GNAL: variants seen among roughly 807,000 people sequenced by gnomAD.
The protein encoded by GNAL is G protein subunit alpha L.
Under a neutral mutation model 55.1 loss-of-function variants are expected in GNAL, and 18 were observed. That is an observed-to-expected ratio of 0.33 (90% CI 0.23 to 0.48). The LOEUF (loss-of-function observed/expected upper bound fraction) is 0.48. Ranked by LOEUF, GNAL falls within the 20% of genes least tolerant of loss-of-function variation. The probability of loss-of-function intolerance (pLI) is 0.99; values close to 1 mark genes in which losing one functional copy is unlikely to be tolerated. For missense variants in GNAL, 412 were observed against 614.1 expected (o/e 0.67, Z 3.48); for synonymous variants, 253 against 237.0 (o/e 1.07, Z -0.62).
rs549137719 is a variant in GNAL, at chr18:11,780,740, C to T, written c.624+26795C>T. 4.6e-5 allele frequency among the ~76,000 whole-genome samples: 7 copies of T among 152,260 alleles called. No homozygotes were observed. The East Asian group carries it at 1.4e-3, about 29-fold the overall frequency. ...TTACACTGAGGAATGAATTAGATCACAGGCATGAAAAAGCGCGGTAAGGTG... is the reference window on the plus strand; with the variant it reads ...TTACACTGAGGAATGAATTAGATCATAGGCATGAAAAAGCGCGGTAAGGTG... On this transcript the variant is annotated intron_variant, in intron 4 of 11. Transcript: ENST00000334049.
intron 5 of GNAL, among the ~76,000 whole-genome samples, chr18:11,847,678 G>C (rs1333823443): frequency 6.6e-6 from 1 of 151,944 alleles, no homozygotes; most frequent in East Asian, 1.9e-4. Context: ...GACTTGCAAG[G>C]TTTCAATGTT....
intron 1 of GNAL, among the ~76,000 whole-genome samples, chr18:11,750,293 A>G (rs571964364): frequency 6.6e-6 from 1 of 152,284 alleles, no homozygotes; most frequent in South Asian, 2.1e-4. Flanking sequence ...CATGAGCTCA[A>G]TCCTTGGCAA....
At chr18:11,761,223 T>C (rs2033232070) in intron 4 of GNAL, among the ~76,000 whole-genome samples, 1 of 152,164 alleles carries the variant, frequency 6.6e-6, no homozygotes. Flanking sequence ...AGCCAGCATT[T>C]ATAGGCAGTC....
Position 11,689,430 on chromosome 18 carries a change from C to T in GNAL, c.-134C>T. 1 of 389,392 alleles carries T rather than the reference C, an allele frequency of 2.6e-6. No individual in the cohort carries two copies. The highest frequency in any genetic ancestry group is 4.4e-6 in the Non-Finnish European group (1 of 227,192). 24.1% of individuals were successfully genotyped at this position (389,392 alleles called of 1,614,324 possible). On this transcript the variant is annotated 5_prime_UTR_variant, in exon 1 of 12. Transcript: ENST00000334049. The stretch of plus-strand genomic sequence containing the variant: ...TCCCGCAGCTGGCGGCCGGCAGCGC[C>T]GAACAGGGTCCGGGTGCAGCCCCCT...
chr18:11,851,057 A>G (rs895278891), intron 5 of GNAL, among the ~76,000 whole-genome samples: 3 of 152,224 alleles, frequency 2.0e-5, no homozygotes, highest in African/African-American at 7.2e-5. Flanking sequence ...CCCGCTAGCC[A>G]GTCACCCTTT....
At chr18:11,844,435 A>AAAATAAAT (rs1159867422) in intron 5 of GNAL, among the ~76,000 whole-genome samples, 31 of 152,282 alleles carry the variant, frequency 2.0e-4, no homozygotes, top group African/African-American at 5.3e-4. Flanking sequence ...ACTCTATCTC[A>AAAATAAAT]AAATAAATAA....
intron 1 of GNAL, among the ~76,000 whole-genome samples, chr18:11,711,962 G>T (rs186672058): frequency 6.8e-4 from 104 of 152,318 alleles, no homozygotes; most frequent in Middle Eastern, 3.4e-3. Context: ...TAATTATAGG[G>T]ATTTACTGGT....
At chr18:11,766,280 C>G (rs1413500254) in intron 4 of GNAL, among the ~76,000 whole-genome samples, 1 of 152,134 alleles carries the variant, frequency 6.6e-6, no homozygotes, top group East Asian at 1.9e-4. Context: ...TTAAAATAAT[C>G]TCATACTTTT....
In GNAL at chr18:11,752,953, T is replaced by C. The variant is rs761251837; in HGVS notation, c.449+28T>C. The stretch of plus-strand genomic sequence containing the variant: ...AAGAATGTTCAGTTTGCTTCCAAAC[T>C]GCATGCAAACTTCGTCTCTCTCCCA... On this transcript the variant is annotated intron_variant, in intron 2 of 11. Coordinates refer to ENST00000334049, the MANE Select transcript of GNAL (RefSeq NM_182978.4). This position sits in a 1 kb window ranked among gnomAD's most constrained non-coding sequence, Gnocchi z 4.5. The C allele has an allele frequency of 7.3e-7, 1 of 1,377,814 alleles. No individual in the cohort carries two copies. The highest frequency in any genetic ancestry group is 2.3e-5 in the East Asian group (1 of 43,294). The allele number at this position is 1,377,814 out of a possible 1,614,324, so 85.3% of individuals were successfully genotyped here. A position where few individuals can be genotyped will look rare whatever the true frequency, so the allele number is the denominator to read the frequency against.
chr18:11,826,125 C>G (rs965236276), intron 5 of GNAL, among the ~76,000 whole-genome samples: 16 of 152,178 alleles, frequency 1.1e-4, no homozygotes, highest in African/African-American at 3.9e-4. Flanking sequence ...TTGTGTTGGC[C>G]CAAGCTCCTG....
intron 4 of GNAL, among the ~76,000 whole-genome samples, chr18:11,758,448 T>C (rs2033133611): frequency 6.6e-6 from 1 of 152,124 alleles, no homozygotes. Flanking sequence ...AAGCCAGAAC[T>C]GTAAAGGGGA....
chr18:11,805,714 C>A (rs1169397347), intron 4 of GNAL, among the ~76,000 whole-genome samples: 3 of 152,188 alleles, frequency 2.0e-5, no homozygotes, highest in Admixed American at 6.5e-5. Context: ...AAAAAGTATT[C>A]TATTGCGTGT....
intron 4 of GNAL, among the ~76,000 whole-genome samples, chr18:11,812,792 G>A (rs1418686512): frequency 2.6e-5 from 4 of 151,636 alleles, no homozygotes; most frequent in African/African-American, 4.8e-5. Flanking sequence ...GTAGTGAGCC[G>A]AGCTCGCACC....
intron 1 of GNAL, among the ~76,000 whole-genome samples, chr18:11,695,922 G>GCACGCACGCACACA (rs968123360): frequency 7.4e-6 from 1 of 136,052 alleles, no homozygotes; most frequent in African/African-American, 3.1e-5. Flanking sequence ...ATGCACGCAT[G>GCACGCACGCACACA]CACACACACA....
chr18:11,851,965 C>G (rs1435626999), intron 5 of GNAL: 1 of 1,613,902 alleles, frequency 6.2e-7, no homozygotes, highest in South Asian at 1.1e-5. Context: ...AGTGGATATG[C>G]TGCTCCAGGA....
intron 1 of GNAL, among the ~76,000 whole-genome samples, chr18:11,709,267 C>T (rs1365709820): frequency 6.8e-6 from 1 of 146,774 alleles, no homozygotes; most frequent in Non-Finnish European, 1.5e-5. Flanking sequence ...CTCAAGATTA[C>T]TTTGTCTACT....
chr18:11,844,856 T>A (rs1265314731), intron 5 of GNAL, among the ~76,000 whole-genome samples: 2 of 152,078 alleles, frequency 1.3e-5, no homozygotes, highest in Non-Finnish European at 1.5e-5. Context: ...TTATTTATTT[T>A]TTGATTTATT....
intron 1 of GNAL, among the ~76,000 whole-genome samples, chr18:11,747,858 C>G (rs1335625846): frequency 6.6e-6 from 1 of 152,326 alleles, no homozygotes; most frequent in East Asian, 1.9e-4. Flanking sequence ...GCGCAGTCAG[C>G]CTGGACCCTC....
At chr18:11,810,443 TG>T (rs1435527551) in intron 4 of GNAL, 2 of 152,290 alleles carry the variant, frequency 1.3e-5, no homozygotes, top group Non-Finnish European at 2.9e-5. Context: ...GCTAATTTTA[TG>T]GTGTTGGGTG....
Sources: allele counts gnomAD v4.1 joint callset (sites outside exome capture counted in the v4.1 genomes callset), GRCh38; gene constraint gnomAD v4.1.1; non-coding constraint Gnocchi (gnomAD v3.1); transcripts MANE v1.5; gene names NCBI Gene and HGNC (gene_info 2026-07-23, HGNC 2026-07-21).